The following FAT3 variants were observed in gnomAD, a reference collection of about 807,000 sequenced individuals.
FAT3 encodes FAT atypical cadherin 3.
FAT3 carries 95 observed loss-of-function variants against 310.2 expected under a neutral mutation model. That is an observed-to-expected ratio of 0.31 (90% CI 0.26 to 0.36). The LOEUF (loss-of-function observed/expected upper bound fraction) is 0.36, where lower values mean the gene tolerates loss of function less well. FAT3 is among the 10% of genes least tolerant of loss of function. The probability of loss-of-function intolerance (pLI) is 1.00; values close to 1 mark genes in which losing one functional copy is unlikely to be tolerated. For missense variants in FAT3, 5,408 were observed against 5,715.6 expected (o/e 0.95, Z 1.74); for synonymous variants, 2,314 against 2,192.9 (o/e 1.06, Z -1.54).
intron 3 of FAT3, among the ~76,000 whole-genome samples, chr11:92,677,837 T>C (rs1036837901): frequency 6.6e-6 from 1 of 152,180 alleles, no homozygotes; most frequent in Admixed American, 6.5e-5. Flanking sequence ...CACACATTTA[T>C]TGAAATGAAA....
chr11:92,667,271 C>T (rs956272226), intron 3 of FAT3, among the ~76,000 whole-genome samples: 1 of 152,130 alleles, frequency 6.6e-6, no homozygotes, highest in Non-Finnish European at 1.5e-5. Context: ...TGGCAGCATC[C>T]GTTTTGTTCA....
chr11:92,315,500 TATATATATATATAGAGAGAGAG>T (rs1311408516), intron 1 of FAT3, among the ~76,000 whole-genome samples: 2 of 92,266 alleles, frequency 2.2e-5, no homozygotes, highest in Admixed American at 1.2e-4. Context: ...TATATATATA[TATATATATATATAGAGAGAGAG>T]AGAGAGAGAG....
intron 3 of FAT3, among the ~76,000 whole-genome samples, chr11:92,529,243 A>G (rs552661573): frequency 1.3e-5 from 2 of 152,364 alleles, no homozygotes; most frequent in African/African-American, 4.8e-5. Context: ...ATTATAAGCT[A>G]TGAACAGTGT....
intron 3 of FAT3, among the ~76,000 whole-genome samples, chr11:92,540,740 T>TTTTTGTTTTG (rs149679843): frequency 2.0e-4 from 27 of 137,566 alleles, no homozygotes; most frequent in African/African-American, 6.8e-4. Context: ...CTATGGCATG[T>TTTTTGTTTTG]TTTTGTTTTG....
chr11:92,641,948 A>C (rs923988879), intron 3 of FAT3, among the ~76,000 whole-genome samples: 3 of 152,264 alleles, frequency 2.0e-5, no homozygotes, highest in Admixed American at 1.3e-4. Flanking sequence ...GATCTCTGCA[A>C]CATGAGGTTG....
At chr11:92,254,495 A>C (rs1288367148) in intron 1 of FAT3, among the ~76,000 whole-genome samples, 1 of 152,154 alleles carries the variant, frequency 6.6e-6, no homozygotes, top group Non-Finnish European at 1.5e-5. Context: ...TCCACTGAAC[A>C]TTTGAGAAAA....
chr11:92,524,975 T>C, intron 3 of FAT3, 27 bp downstream of exon 3: 1 of 1,583,870 alleles, frequency 6.3e-7, no homozygotes, highest in Non-Finnish European at 8.6e-7. Flanking sequence ...ATGACTTCTT[T>C]TTAGTTTGTA....
At chr11:92,688,702 T>TG (rs1019281894) in intron 3 of FAT3, among the ~76,000 whole-genome samples, 1 of 152,132 alleles carries the variant, frequency 6.6e-6, no homozygotes, top group Non-Finnish European at 1.5e-5. Flanking sequence ...TATCTAGGTC[T>TG]GGGGGGAGCC....
At chr11:92,771,570 G>A (rs990623674) in intron 6 of FAT3, among the ~76,000 whole-genome samples, 10 of 152,072 alleles carry the variant, frequency 6.6e-5, no homozygotes, top group Non-Finnish European at 1.3e-4. Context: ...ATGAGTGTCC[G>A]AGGCTGCTAG....
At chr11:92,686,430 A>C (rs151091352) in intron 3 of FAT3, among the ~76,000 whole-genome samples, 195 of 152,318 alleles carry the variant, frequency 1.3e-3, no homozygotes, top group African/African-American at 4.4e-3. Flanking sequence ...AGTACAATAA[A>C]TATTCCCCTG....
chr11:92,766,049 C>T (rs536658016), intron 6 of FAT3, among the ~76,000 whole-genome samples: 3 of 152,048 alleles, frequency 2.0e-5, no homozygotes, highest in African/African-American at 7.2e-5. Context: ...CAGTCAGCCT[C>T]CCCCGCAAGC....
intron 2 of FAT3, among the ~76,000 whole-genome samples, chr11:92,503,831 A>G (rs1260824848): frequency 1.3e-5 from 2 of 152,170 alleles, no homozygotes; most frequent in African/African-American, 4.8e-5. Flanking sequence ...TTGTGGTAAT[A>G]CAAAGTTCTC....
At chr11:92,320,548 C>A (rs1947587773) in intron 1 of FAT3, among the ~76,000 whole-genome samples, 1 of 152,028 alleles carries the variant, frequency 6.6e-6, no homozygotes, top group African/African-American at 2.4e-5. Context: ...TTTGAACCCA[C>A]ATTGATGGTA....
At chr11:92,674,228 CT>C (rs1943218358) in intron 3 of FAT3, among the ~76,000 whole-genome samples, 1 of 143,478 alleles carries the variant, frequency 7.0e-6, no homozygotes, top group Non-Finnish European at 1.5e-5. Context: ...TAAAGAGACA[CT>C]TGTTAAGACA....
At chr11:92,549,844 T>C (rs1954742870) in intron 3 of FAT3, among the ~76,000 whole-genome samples, 1 of 152,194 alleles carries the variant, frequency 6.6e-6, no homozygotes, top group Non-Finnish European at 1.5e-5. Flanking sequence ...ATAGAGAGAT[T>C]AATGATACCC....
At chr11:92,652,621 G>T (rs12273565) in intron 3 of FAT3, among the ~76,000 whole-genome samples, 1,954 of 152,282 alleles carry the variant, frequency 0.013, 39 homozygotes, top group African/African-American at 0.044. Context: ...TCTTCCCATG[G>T]ATATTTCCCT....
intron 3 of FAT3, among the ~76,000 whole-genome samples, chr11:92,667,611 C>A (rs755542105): frequency 1.3e-5 from 2 of 152,156 alleles, no homozygotes; most frequent in Non-Finnish European, 2.9e-5. Flanking sequence ...TGCTGATTAA[C>A]GACACACACA....
At chr11:92,644,594 T>C (rs2135737697) in intron 3 of FAT3, among the ~76,000 whole-genome samples, 1 of 152,362 alleles carries the variant, frequency 6.6e-6, no homozygotes, top group Non-Finnish European at 1.5e-5. Context: ...ATGAATTTTC[T>C]ATTATGAGTT....
intron 3 of FAT3, among the ~76,000 whole-genome samples, chr11:92,582,514 T>C (rs1938865881): frequency 6.6e-6 from 1 of 152,044 alleles, no homozygotes. Context: ...ATTCTAGCAA[T>C]CCTTCATATA....
Sources: allele counts gnomAD v4.1 joint callset (sites outside exome capture counted in the v4.1 genomes callset), GRCh38; gene constraint gnomAD v4.1.1; transcripts MANE v1.5; gene names NCBI Gene and HGNC (gene_info 2026-07-23, HGNC 2026-07-21).